Variants in PIP5K1B observed in about 807,000 individuals in gnomAD.
The protein encoded by PIP5K1B is phosphatidylinositol 4-phosphate 5-kinase type-1 beta.
PIP5K1B carries 42 observed loss-of-function variants against 67.0 expected under a neutral mutation model. The ratio of observed to expected loss-of-function variants is 0.63; its 90% CI spans 0.49 to 0.81. The LOEUF is 0.81. Ranked by LOEUF, PIP5K1B falls within the 30% of genes least tolerant of loss-of-function variation. PIP5K1B has a pLI of 0.00. For synonymous variants in PIP5K1B, 214 were observed against 231.4 expected (o/e 0.92, Z 0.68); for missense variants, 459 against 646.3 (o/e 0.71, Z 3.14).
intron 5 of PIP5K1B, among the ~76,000 whole-genome samples, chr9:68,875,052 G>A (rs576821015): frequency 1.3e-5 from 2 of 151,994 alleles, no homozygotes; most frequent in African/African-American, 2.4e-5. Context: ...AAATGTTTGG[G>A]TACAGCACTG....
At chr9:69,008,364 C>T (rs1270467876) in intron 15 of PIP5K1B, 83 bp from the exon 16 acceptor site, 16 of 1,247,658 alleles carry the variant, frequency 1.3e-5, no homozygotes, top group African/African-American at 4.4e-5. Context: ...GGAGAAATAA[C>T]GAACTTATGT....
chr9:68,898,049 C>A (rs1379925971), intron 8 of PIP5K1B, among the ~76,000 whole-genome samples: 1 of 152,150 alleles, frequency 6.6e-6, no homozygotes, highest in Non-Finnish European at 1.5e-5. Context: ...CTTGTGGCAG[C>A]CCCTGAGTCC....
chr9:68,896,893 G>A (rs764310914), intron 8 of PIP5K1B, among the ~76,000 whole-genome samples: 4 of 152,124 alleles, frequency 2.6e-5, no homozygotes, highest in Admixed American at 1.3e-4. Context: ...GCCCATCCTC[G>A]TGATGGATCG....
intron 3 of PIP5K1B, among the ~76,000 whole-genome samples, chr9:68,818,769 CTG>C (rs1349121082): frequency 6.6e-6 from 1 of 151,964 alleles, no homozygotes; most frequent in Non-Finnish European, 1.5e-5. Context: ...GATGTGGTCT[CTG>C]TTGTTAATTA....
chr9:68,847,413 T>TTGTGTGTGTGTGTGTGTGTGTGTG (rs777818994), intron 4 of PIP5K1B, among the ~76,000 whole-genome samples: 2 of 101,616 alleles, frequency 2.0e-5, no homozygotes, highest in African/African-American at 7.7e-5. Context: ...AGCAGTGGTT[T>TTGTGTGTGTGTGTGTGTGTGTGTG]TGTGTGTGTG....
intron 2 of PIP5K1B, among the ~76,000 whole-genome samples, chr9:68,815,267 T>TA (rs11454489): frequency 0.81 from 119,915 of 147,182 alleles, 48,970 homozygotes; most frequent in East Asian, 0.97. Context: ...TTGGTACTAT[T>TA]AAAAAAAAAA....
intron 2 of PIP5K1B, chr9:68,780,542 C>T (rs1831204682): frequency 1.2e-6 from 2 of 1,614,176 alleles, no homozygotes; most frequent in Non-Finnish European, 1.7e-6. Context: ...TGAGTGACAA[C>T]GACGTGGAGA....
chr9:68,770,701 C>G (rs1830634512), intron 2 of PIP5K1B, among the ~76,000 whole-genome samples: 1 of 152,162 alleles, frequency 6.6e-6, no homozygotes, highest in Admixed American at 6.6e-5. Flanking sequence ...AGGTTGCTCA[C>G]TCCACATGAG....
intron 7 of PIP5K1B, among the ~76,000 whole-genome samples, chr9:68,890,252 CTT>C (rs1197540287): frequency 6.6e-6 from 1 of 152,192 alleles, no homozygotes; most frequent in Non-Finnish European, 1.5e-5. Flanking sequence ...GGAACAGTAA[CTT>C]AGCCTAGACG....
chr9:68,996,167 T>C (rs1830594681), intron 15 of PIP5K1B, among the ~76,000 whole-genome samples: 1 of 152,252 alleles, frequency 6.6e-6, no homozygotes, highest in South Asian at 2.1e-4. Flanking sequence ...AGATAACATA[T>C]GAAATATCCT....
chr9:68,880,189 G>A lies in PIP5K1B; in HGVS notation c.318+3395G>A, dbSNP rs1824110591. The stretch of plus-strand genomic sequence containing the variant: ...ATGAATGAGTTGTCCATGAGTTGAC[G>A]CTGGAAGATAGATACATGAGTGTTA... On this transcript the variant is annotated intron_variant, in intron 6 of 15. Coordinates refer to ENST00000265382, the MANE Select transcript of PIP5K1B (RefSeq NM_003558.4). Among the ~76,000 whole-genome samples, 5 of 152,294 alleles carry A rather than the reference G, an allele frequency of 3.3e-5. No individual in the cohort carries two copies. In the South Asian group the frequency reaches 6.2e-4, roughly 19 times the overall value.
chr9:68,905,231 A>G (rs919205155), intron 8 of PIP5K1B, among the ~76,000 whole-genome samples: 6 of 152,104 alleles, frequency 3.9e-5, no homozygotes, highest in African/African-American at 1.4e-4. Context: ...CTCCCTGTTG[A>G]GAATCCTGGG....
At chr9:68,826,608 A>G (rs1833999194) in intron 4 of PIP5K1B, among the ~76,000 whole-genome samples, 1 of 152,206 alleles carries the variant, frequency 6.6e-6, no homozygotes. Flanking sequence ...AGAAAAAAGG[A>G]GGATGCAAAA....
chr9:68,987,062 G>C (rs1830124211), intron 14 of PIP5K1B, among the ~76,000 whole-genome samples: 1 of 152,138 alleles, frequency 6.6e-6, no homozygotes, highest in South Asian at 2.1e-4. Flanking sequence ...AGACCAGCCT[G>C]GCCAATATGG....
At position 68,901,097 on chromosome 9, in the gene PIP5K1B, A is replaced by C. The variant is rs1275891650; in HGVS notation, c.771+6459A>C. 2.6e-5 allele frequency among the ~76,000 whole-genome samples: 4 copies of C among 152,294 alleles called. No homozygotes were observed. The East Asian group carries it at 7.7e-4, about 29-fold the overall frequency. On this transcript the variant is annotated intron_variant, in intron 8 of 15. Transcript: ENST00000265382. ...ATCACTGGGGAAGAAAAAATGCTTT[A>C]GACCTAATACAAAGGAGACGTACAT...
At chr9:68,906,480 A>G (rs1825617818) in intron 8 of PIP5K1B, among the ~76,000 whole-genome samples, 1 of 152,230 alleles carries the variant, frequency 6.6e-6, no homozygotes, top group African/African-American at 2.4e-5. Flanking sequence ...ATGAATTGAT[A>G]TATAACATTC....
intron 2 of PIP5K1B, among the ~76,000 whole-genome samples, chr9:68,755,453 C>T (rs1054264982): frequency 6.6e-6 from 1 of 152,138 alleles, no homozygotes; most frequent in African/African-American, 2.4e-5. Context: ...AGATATAGAC[C>T]CTTTTTGTTT....
chr9:68,826,466 A>G (rs1446020906), intron 4 of PIP5K1B, among the ~76,000 whole-genome samples: 1 of 152,236 alleles, frequency 6.6e-6, no homozygotes, highest in African/African-American at 2.4e-5. Context: ...CCATTTTTAA[A>G]TAACAGCAAC....
At chr9:68,905,539 T>C (rs1278821157) in intron 8 of PIP5K1B, among the ~76,000 whole-genome samples, 1 of 152,114 alleles carries the variant, frequency 6.6e-6, no homozygotes, top group African/African-American at 2.4e-5. Context: ...GTTACAGAGA[T>C]TTAAGGCATA....
Sources: gnomAD v4.1 joint callset for allele counts (sites outside exome capture counted in the v4.1 genomes callset) on GRCh38, gnomAD v4.1.1 for gene constraint, MANE v1.5 for transcripts, NCBI Gene and HGNC (gene_info 2026-07-23, HGNC 2026-07-21) for gene names.